Variants in RIMS1 observed in about 807,000 individuals in gnomAD.
RIMS1 encodes regulating synaptic membrane exocytosis 1, also known as regulating synaptic membrane exocytosis protein 1.
Under a neutral mutation model 214.1 loss-of-function variants are expected in RIMS1, and 83 were observed. The observed-to-expected ratio is 0.39, with a 90% CI of 0.32 to 0.47. The LOEUF is 0.47. RIMS1 is among the 20% of genes least tolerant of loss of function. The pLI is 0.99. For missense variants in RIMS1, 2,050 were observed against 2,161.8 expected (o/e 0.95, Z 1.03); for synonymous variants, 793 against 786.8 (o/e 1.01, Z -0.13).
intron 4 of RIMS1, among the ~76,000 whole-genome samples, chr6:72,122,274 G>T (rs2038540312): frequency 7.2e-6 from 1 of 138,540 alleles, no homozygotes; most frequent in Non-Finnish European, 1.5e-5. Flanking sequence ...GCGCTATCTT[G>T]GCTCACTGCA....
At chr6:72,365,008 A>G (rs538542813) in intron 29 of RIMS1, among the ~76,000 whole-genome samples, 1 of 152,308 alleles carries the variant, frequency 6.6e-6, no homozygotes, top group East Asian at 1.9e-4. Flanking sequence ...GTGAATGTCT[A>G]CGGGGCATAG....
At chr6:71,887,217 C>T (rs762019325) in intron 1 of RIMS1, 30 bp downstream of exon 1, 1 of 1,584,584 alleles carries the variant, frequency 6.3e-7, no homozygotes, top group South Asian at 1.2e-5. Flanking sequence ...GCCATCCATG[C>T]CTCCGTGCCT....
chr6:71,888,692 A>G (rs560674219), intron 1 of RIMS1, among the ~76,000 whole-genome samples: 21 of 152,356 alleles, frequency 1.4e-4, no homozygotes, highest in African/African-American at 4.8e-4. Context: ...ACAGCAAAAT[A>G]GTAGAAATCC....
chr6:72,395,556 G>C (rs1214673482), intron 31 of RIMS1, among the ~76,000 whole-genome samples: 1 of 151,956 alleles, frequency 6.6e-6, no homozygotes, highest in Non-Finnish European at 1.5e-5. Flanking sequence ...ATTGGTTAAT[G>C]GTTAATTGGA....
At chr6:72,059,322 G>A (rs558081987) in intron 2 of RIMS1, among the ~76,000 whole-genome samples, 1 of 152,108 alleles carries the variant, frequency 6.6e-6, no homozygotes, top group Non-Finnish European at 1.5e-5. Flanking sequence ...GACCTCTTGG[G>A]CTCAAGCAAT....
chr6:71,930,584 G>A (rs1308974773), intron 1 of RIMS1, among the ~76,000 whole-genome samples: 1 of 151,878 alleles, frequency 6.6e-6, no homozygotes, highest in East Asian at 1.9e-4. Context: ...CAGAATCCAG[G>A]CTCCTTTAAT....
chr6:72,350,774 A>C (rs547487023), intron 29 of RIMS1, among the ~76,000 whole-genome samples: 50 of 152,176 alleles, frequency 3.3e-4, no homozygotes, highest in African/African-American at 4.6e-4. Context: ...ATCAACAGGC[A>C]AAGAGAGATT....
chr6:72,325,563 T>C (rs951147442), intron 28 of RIMS1, among the ~76,000 whole-genome samples: 7 of 151,458 alleles, frequency 4.6e-5, no homozygotes, highest in Non-Finnish European at 7.4e-5. Flanking sequence ...AAACAAACCT[T>C]AGGAAATGAA....
chr6:72,261,141 G>C, intron 19 of RIMS1: 6 of 1,046,602 alleles, frequency 5.7e-6, no homozygotes, highest in East Asian at 8.8e-5. Flanking sequence ...GTGTATGGCA[G>C]TGTCATTGTT....
At chr6:71,976,508 G>C (rs2348945) in intron 2 of RIMS1, among the ~76,000 whole-genome samples, 1 of 152,012 alleles carries the variant, frequency 6.6e-6, no homozygotes, top group East Asian at 1.9e-4. Context: ...CTTTGTCACA[G>C]AAATGATTTG....
At chr6:72,026,456 C>CG (rs1491579793) in intron 2 of RIMS1, among the ~76,000 whole-genome samples, 1 of 23,716 alleles carries the variant, frequency 4.2e-5, no homozygotes, top group Non-Finnish European at 1.4e-4. Context: ...CCCAGCACCG[C>CG]CCCCCCCCCC....
chr6:72,125,442 G>T (rs1210736193), intron 4 of RIMS1, among the ~76,000 whole-genome samples: 1 of 152,214 alleles, frequency 6.6e-6, no homozygotes, highest in Non-Finnish European at 1.5e-5. Context: ...ACAGGGGTCA[G>T]GGACCCACTT....
chr6:71,936,326 CAAAAAAAAAAAAAAAAAAAA>C (rs4034728), intron 1 of RIMS1, among the ~76,000 whole-genome samples: 1 of 68,700 alleles, frequency 1.5e-5, no homozygotes, highest in Admixed American at 1.9e-4. Flanking sequence ...GACTCCGTCT[CAAAAAAAAAAAAAAAAAAAA>C]AAAAAAGAAA....
intron 4 of RIMS1, among the ~76,000 whole-genome samples, chr6:72,140,409 G>C (rs1260190385): frequency 6.6e-6 from 1 of 151,962 alleles, no homozygotes; most frequent in Non-Finnish European, 1.5e-5. Flanking sequence ...TAATTCCAAG[G>C]TATTTCAGTA....
intron 1 of RIMS1, among the ~76,000 whole-genome samples, chr6:71,937,445 G>A (rs1275058596): frequency 6.6e-6 from 1 of 152,070 alleles, no homozygotes; most frequent in Admixed American, 6.5e-5. Flanking sequence ...TAGAGACAGG[G>A]TTTTGCAACG....
chr6:72,233,788 A>G lies in RIMS1; in HGVS notation c.1694A>G (p.Tyr565Cys). 1 of 1,575,350 alleles carries G rather than the reference A, an allele frequency of 6.3e-7. No homozygotes were observed. Among genetic ancestry groups the G allele is most frequent in the African/African-American group, 1.3e-5 (1 of 74,318 alleles). ...TATTGCACAGGTGATTTGGATTATT[A>G]CTGGTTGGATCCTGCCACGTGGCAC... ...SVSEKGDLDY[Y>C]WLDPATWHSR... is the part of the protein sequence containing the mutation. Residue 565 changes from tyrosine to cysteine, a missense_variant, in exon 7 of 34, where the codon TAC becomes TGC. This residue lies in a region of RIMS1 where 882 missense variants were observed against 828.9 expected (regional missense o/e 1.06). Transcript: ENST00000521978.
At chr6:71,946,597 A>G (rs1467594337) in intron 1 of RIMS1, among the ~76,000 whole-genome samples, 6 of 152,158 alleles carry the variant, frequency 3.9e-5, no homozygotes, top group Non-Finnish European at 8.8e-5. Flanking sequence ...GAAAGAAATT[A>G]AACCCTCATT....
intron 6 of RIMS1, among the ~76,000 whole-genome samples, chr6:72,193,768 C>A (rs2050427500): frequency 6.6e-6 from 1 of 152,058 alleles, no homozygotes; most frequent in African/African-American, 2.4e-5. Flanking sequence ...AATTAACATT[C>A]TTCATATCTT....
chr6:72,107,778 G>T (rs960600954), intron 4 of RIMS1, among the ~76,000 whole-genome samples: 1 of 152,008 alleles, frequency 6.6e-6, no homozygotes, highest in Non-Finnish European at 1.5e-5. Context: ...AATGAGAGAA[G>T]AAATAGGTTC....
Sources: allele counts gnomAD v4.1 joint callset (sites outside exome capture counted in the v4.1 genomes callset), GRCh38; gene constraint gnomAD v4.1.1; regional missense constraint gnomAD v4.1.1; transcripts MANE v1.5; gene names NCBI Gene and HGNC (gene_info 2026-07-23, HGNC 2026-07-21).